Variants in MAPK4 observed in about 807,000 individuals in gnomAD.
MAPK4 encodes Erk3-related.
In MAPK4, 22 loss-of-function variants were observed where a neutral mutation model predicts 47.7. The observed-to-expected ratio is 0.46, with a 90% confidence interval of 0.33 to 0.66. MAPK4 has a LOEUF of 0.66. Among genes scored for constraint, MAPK4 ranks in the 30% least tolerant of loss-of-function variants. The probability of loss-of-function intolerance (pLI) is 0.02; values close to 1 mark genes in which losing one functional copy is unlikely to be tolerated. For synonymous variants in MAPK4, 390 were observed against 365.7 expected, an observed-to-expected ratio of 1.07 and a Z score of -0.76; for missense variants, 736 against 831.7, an observed-to-expected ratio of 0.88 and a Z score of 1.42.
chr18:50,663,881 G>T lies in MAPK4; in HGVS notation c.-78G>T. Reference sequence around the variant, plus strand: ...GGACTTGACAGAATGAGGTGCGCGAGGGAGGCCGCTAGCCGAGACTTGGCC... The same window carrying T: ...GGACTTGACAGAATGAGGTGCGCGATGGAGGCCGCTAGCCGAGACTTGGCC... On this transcript the variant is annotated 5_prime_UTR_variant, in exon 2 of 6. It adds an upstream start codon to the 5' untranslated region. Transcript: ENST00000400384. 2.3e-6 allele frequency: 3 copies of T among 1,313,888 alleles called. No individual in the cohort carries two copies. Among genetic ancestry groups the T allele is most frequent in the Non-Finnish European group, 2.1e-6 (2 of 943,744 alleles). The allele number at this position is 1,313,888 out of a possible 1,614,324, so 81.4% of individuals were successfully genotyped here.
chr18:50,628,820 G>T (rs2042804263), intron 1 of MAPK4, among the ~76,000 whole-genome samples: 1 of 152,166 alleles, frequency 6.6e-6, no homozygotes, highest in African/African-American at 2.4e-5. Flanking sequence ...GCCAACTACT[G>T]TTCTCTCTGG....
At chr18:50,626,369 C>G (rs897021897) in intron 1 of MAPK4, among the ~76,000 whole-genome samples, 1 of 152,134 alleles carries the variant, frequency 6.6e-6, no homozygotes, top group African/African-American at 2.4e-5. Flanking sequence ...GAGCAGGCTC[C>G]CTGGGAGAGG....
chr18:50,650,285 GTCT>G (rs2043033864), intron 1 of MAPK4, among the ~76,000 whole-genome samples: 1 of 152,128 alleles, frequency 6.6e-6, no homozygotes, highest in African/African-American at 2.4e-5. Context: ...TGGAGGTAAG[GTCT>G]TCTCTCTTGA....
chr18:50,717,879 A>G (rs771661372), intron 3 of MAPK4, among the ~76,000 whole-genome samples: 2 of 152,214 alleles, frequency 1.3e-5, no homozygotes, highest in African/African-American at 2.4e-5. Context: ...CTCACCTGTC[A>G]AAGCCCCTGG....
intron 1 of MAPK4, among the ~76,000 whole-genome samples, chr18:50,595,221 G>A (rs1450371225): frequency 4.6e-5 from 7 of 152,124 alleles, no homozygotes; most frequent in Non-Finnish European, 7.4e-5. Context: ...AAATGCAAAC[G>A]TGTCCATAAA....
intron 1 of MAPK4, among the ~76,000 whole-genome samples, chr18:50,611,719 C>T (rs2042636905): frequency 6.6e-6 from 1 of 152,050 alleles, no homozygotes; most frequent in Admixed American, 6.5e-5. Context: ...ATAAAATGGC[C>T]CAGAGGAAAT....
At chr18:50,712,148 C>T (rs1910400961) in intron 2 of MAPK4, among the ~76,000 whole-genome samples, 2 of 152,190 alleles carry the variant, frequency 1.3e-5, no homozygotes, top group South Asian at 2.1e-4. Context: ...CTTTAAGTGT[C>T]GGGCACAGTG....
At chr18:50,585,639 G>T (rs2149364781) in intron 1 of MAPK4, among the ~76,000 whole-genome samples, 1 of 152,258 alleles carries the variant, frequency 6.6e-6, no homozygotes, top group African/African-American at 2.4e-5. Flanking sequence ...CTTACACTAA[G>T]GCTATACTTG....
At chr18:50,685,151 C>G (rs1264763172) in intron 2 of MAPK4, among the ~76,000 whole-genome samples, 1 of 152,260 alleles carries the variant, frequency 6.6e-6, no homozygotes, top group Non-Finnish European at 1.5e-5. Context: ...CTGCTCCCAA[C>G]TCACCAAGTG....
At chr18:50,645,694 T>C (rs1182149333) in intron 1 of MAPK4, among the ~76,000 whole-genome samples, 2 of 152,172 alleles carry the variant, frequency 1.3e-5, no homozygotes. Flanking sequence ...ACGGGCCTTA[T>C]GGTCAGGACA....
At chr18:50,659,686 A>G (rs965555175) in intron 1 of MAPK4, among the ~76,000 whole-genome samples, 3 of 152,222 alleles carry the variant, frequency 2.0e-5, no homozygotes, top group Non-Finnish European at 2.9e-5. Flanking sequence ...CTGAGGGTAG[A>G]ACTTTCTATT....
chr18:50,654,029 A>C (rs1307445566), intron 1 of MAPK4, among the ~76,000 whole-genome samples: 1 of 152,186 alleles, frequency 6.6e-6, no homozygotes, highest in Non-Finnish European at 1.5e-5. Flanking sequence ...GAGAGTCATG[A>C]CTGATTATCA....
chr18:50,722,363 C>T (rs1910979544), intron 4 of MAPK4, among the ~76,000 whole-genome samples: 1 of 148,380 alleles, frequency 6.7e-6, no homozygotes, highest in Non-Finnish European at 1.5e-5. Flanking sequence ...TGCTCACCTT[C>T]CTCCCTCTCT....
At chr18:50,596,116 G>A (rs1480153928) in intron 1 of MAPK4, among the ~76,000 whole-genome samples, 1 of 152,090 alleles carries the variant, frequency 6.6e-6, no homozygotes, top group African/African-American at 2.4e-5. Flanking sequence ...CTTCACACAT[G>A]TTCACCCATT....
At chr18:50,605,974 G>T (rs568835999) in intron 1 of MAPK4, among the ~76,000 whole-genome samples, 155 of 150,898 alleles carry the variant, frequency 1.0e-3, no homozygotes, top group African/African-American at 3.5e-3. Context: ...ACATGCTTTG[G>T]CAAGGCATCC....
intron 1 of MAPK4, among the ~76,000 whole-genome samples, chr18:50,577,835 C>T (rs1394208734): frequency 6.6e-6 from 1 of 152,186 alleles, no homozygotes; most frequent in Non-Finnish European, 1.5e-5. Flanking sequence ...CTGAAACTGA[C>T]AGCCAAGATC....
At chr18:50,699,906 T>A (rs1393865117) in intron 2 of MAPK4, among the ~76,000 whole-genome samples, 2 of 152,198 alleles carry the variant, frequency 1.3e-5, no homozygotes, top group African/African-American at 4.8e-5. Context: ...CTCCCAAATG[T>A]GAAGTTTTTG....
At chr18:50,592,428 G>A (rs906026167) in intron 1 of MAPK4, among the ~76,000 whole-genome samples, 5 of 152,072 alleles carry the variant, frequency 3.3e-5, no homozygotes, top group African/African-American at 9.7e-5. Context: ...ATTCCCCCTC[G>A]CTAGGATCTT....
intron 1 of MAPK4, among the ~76,000 whole-genome samples, chr18:50,603,613 AT>A (rs1366846204): frequency 1.3e-5 from 2 of 152,206 alleles, no homozygotes; most frequent in African/African-American, 2.4e-5. Flanking sequence ...CAGCTGCAGA[AT>A]GGGAATAAAG....
Sources: allele counts gnomAD v4.1 joint callset (sites outside exome capture counted in the v4.1 genomes callset), GRCh38; gene constraint gnomAD v4.1.1; transcripts MANE v1.5; gene names NCBI Gene and HGNC (gene_info 2026-07-23, HGNC 2026-07-21).